Variants in FAXDC2 observed in about 807,000 individuals in gnomAD.
FAXDC2 encodes fatty acid hydroxylase domain containing 2.
Under a neutral mutation model 40.9 loss-of-function variants are expected in FAXDC2, and 41 were observed. The ratio of observed to expected loss-of-function variants is 1.00; its 90% confidence interval spans 0.78 to 1.30. The LOEUF (loss-of-function observed/expected upper bound fraction) is 1.30, where lower values mean the gene tolerates loss of function less well. Ranked by LOEUF, FAXDC2 falls within the 50% of genes most tolerant of loss-of-function variation. The pLI is 0.00. For missense variants in FAXDC2, 390 were observed against 408.8 expected, an observed-to-expected ratio of 0.95 and a Z score of 0.40; for synonymous variants, 157 against 149.3, an observed-to-expected ratio of 1.05 and a Z score of -0.38.
At chr5:154,827,962 G>A (rs530796184) in intron 5 of FAXDC2, among the ~76,000 whole-genome samples, 22 of 151,878 alleles carry the variant, frequency 1.4e-4, no homozygotes, top group African/African-American at 7.2e-5. Flanking sequence ...CAATCCTCCC[G>A]TCTCAGCTTC....
chr5:154,834,103 T>C lies in FAXDC2; in HGVS notation c.244+522A>G, dbSNP rs1236628527. Among the ~76,000 whole-genome samples, 13 of 149,832 alleles carry C rather than the reference T, an allele frequency of 8.7e-5. No individual in the cohort carries two copies. In the East Asian group the frequency reaches 2.3e-3, roughly 27 times the overall value. On this transcript the variant is annotated intron_variant, in intron 4 of 8. Coordinates refer to ENST00000326080, the MANE Select transcript of FAXDC2 (RefSeq NM_032385.5). ...TTAAATAAATTGTATATAATTATTA[T>C]TTGAGTGAATGTATGATCGAGGACA...
intron 1 of FAXDC2, among the ~76,000 whole-genome samples, chr5:154,847,407 A>G (rs568160974): frequency 3.3e-5 from 5 of 152,330 alleles, no homozygotes; most frequent in African/African-American, 1.2e-4. Flanking sequence ...TGAGGCTGGA[A>G]GGAATACAGA....
chr5:154,846,934 GT>G (rs199873815), intron 1 of FAXDC2, among the ~76,000 whole-genome samples: 7 of 143,560 alleles, frequency 4.9e-5, no homozygotes, highest in African/African-American at 7.6e-5. Flanking sequence ...TTTTTTGTTT[GT>G]TTTTTTTTTA....
intron 5 of FAXDC2, among the ~76,000 whole-genome samples, chr5:154,826,381 T>C (rs1035571232): frequency 6.6e-6 from 1 of 151,620 alleles, no homozygotes; most frequent in Non-Finnish European, 1.5e-5. Flanking sequence ...TACAAAAAAT[T>C]AGCTGGGCAT....
In FAXDC2 at chr5:154,821,442, T is replaced by C. The variant is rs1759887460; in HGVS notation, c.679-16A>G. The C allele has an allele frequency of 1.2e-6, 2 of 1,607,228 alleles. No homozygotes were observed. The highest frequency in any genetic ancestry group is 1.7e-6 in the Non-Finnish European group (2 of 1,177,144). On this transcript the variant is annotated splice_polypyrimidine_tract_variant and intron_variant, in intron 7 of 8. Transcript: ENST00000326080. ...TGTTGGAGACCTGCAAGAGGAGGGA[T>C]GATTGAAGGCAGGGTCCAGGGAGAT...
At chr5:154,835,966 C>G (rs1161248181) in intron 2 of FAXDC2, among the ~76,000 whole-genome samples, 2 of 137,714 alleles carry the variant, frequency 1.5e-5, no homozygotes, top group African/African-American at 5.4e-5. Flanking sequence ...TCTTGGCTCA[C>G]TGCAACCTCC....
chr5:154,823,807 ACTTCAGCAGC>A (rs1759949765), intron 5 of FAXDC2: 1 of 547,670 alleles, frequency 1.8e-6, no homozygotes, highest in Admixed American at 3.1e-5. Flanking sequence ...GTCCTTGGAA[ACTTCAGCAGC>A]CTTCAGTCTG....
intron 5 of FAXDC2, chr5:154,824,636 CTATT>C (rs1188754575): frequency 1.3e-5 from 9 of 696,286 alleles, no homozygotes; most frequent in South Asian, 1.2e-4. Context: ...TCACATCTAT[CTATT>C]CATTTATTTA....
rs771174764 is a variant in FAXDC2 at position 154,838,161 on chromosome 5, T to C, written c.18A>G (p.Gly6=). MKGEA[G]HMLHNEKSKQ... ...TTGACTTTTCATTGTGTAGCATATG[T>C]CCAGCTTCTCCTTTCATCTGGAATG... The change falls in exon 2 of 9, where the codon GGA becomes GGG. Residue 6 remains glycine, a synonymous_variant. Coordinates refer to ENST00000326080, the MANE Select transcript of FAXDC2 (RefSeq NM_032385.5). 2 of 1,613,756 alleles carry C rather than the reference T, an allele frequency of 1.2e-6. No homozygotes were observed. Among genetic ancestry groups the C allele is most frequent in the Non-Finnish European group, 8.5e-7 (1 of 1,179,836 alleles).
intron 1 of FAXDC2, among the ~76,000 whole-genome samples, chr5:154,840,229 C>T (rs1309631427): frequency 6.6e-6 from 1 of 152,156 alleles, no homozygotes; most frequent in Non-Finnish European, 1.5e-5. Flanking sequence ...GAAATAACTG[C>T]TCCCCTTTGA....
At chr5:154,822,704 T>C (rs1008649425) in intron 6 of FAXDC2, 127 bp from the exon 7 acceptor site, 1 of 697,058 alleles carries the variant, frequency 1.4e-6, no homozygotes, top group Non-Finnish European at 2.5e-6. Context: ...CACCAAGACC[T>C]GCCTTCAAAT....
chr5:154,820,493 C>T, intron 8 of FAXDC2, 21 bp from the exon 9 acceptor site: 5 of 1,590,292 alleles, frequency 3.1e-6, no homozygotes, highest in Non-Finnish European at 4.3e-6. Context: ...GAGGACGGCA[C>T]TGCAGTGCCC....
At chr5:154,837,117 G>A (rs1427605321) in intron 2 of FAXDC2, among the ~76,000 whole-genome samples, 1 of 151,982 alleles carries the variant, frequency 6.6e-6, no homozygotes, top group Non-Finnish European at 1.5e-5. Flanking sequence ...CCAAGCAGAA[G>A]TCATTTTTCA....
intron 4 of FAXDC2, among the ~76,000 whole-genome samples, chr5:154,834,022 ATATAT>A (rs1760257956): frequency 6.7e-6 from 1 of 149,020 alleles, no homozygotes; most frequent in Non-Finnish European, 1.5e-5. Context: ...TAGTAACATT[ATATAT>A]TATATGTCAT....
chr5:154,842,863 C>T (rs1053241211), intron 1 of FAXDC2, among the ~76,000 whole-genome samples: 106 of 150,726 alleles, frequency 7.0e-4, no homozygotes, highest in African/African-American at 2.6e-3. Flanking sequence ...GATATAGGGT[C>T]TTGCTATATT....
rs1228222675 is a variant in FAXDC2, at chr5:154,820,346, GC to G, written c.971del (p.Ser324ThrfsTer82). On this transcript the variant is annotated frameshift_variant, in exon 9 of 9. Coordinates refer to ENST00000326080, the MANE Select transcript of FAXDC2 (RefSeq NM_032385.5). LOFTEE classifies it high-confidence loss of function. Reference protein sequence around the residue: ...LLLGFTPLSESIPDSPKRME With the variant: ...LLLGFTPLSEXIPDSPKRME ...CCATCCTCTTTGGGGAGTCTGGGATGCTCTCAGAGAGCGGGGTGAAGCCCAG... is the reference window on the plus strand; with the variant it reads ...CCATCCTCTTTGGGGAGTCTGGGATGTCTCAGAGAGCGGGGTGAAGCCCAG... 6.2e-7 allele frequency: 1 copy of G among 1,612,730 alleles called. No homozygotes were observed. The highest frequency in any genetic ancestry group is 8.5e-7 in the Non-Finnish European group (1 of 1,179,442).
At chr5:154,843,015 C>G (rs995730128) in intron 1 of FAXDC2, among the ~76,000 whole-genome samples, 2 of 152,144 alleles carry the variant, frequency 1.3e-5, no homozygotes, top group African/African-American at 2.4e-5. Flanking sequence ...AGAAACACCT[C>G]AACTTGGGAA....
chr5:154,847,134 T>A (rs1284038999), intron 1 of FAXDC2, among the ~76,000 whole-genome samples: 1 of 151,970 alleles, frequency 6.6e-6, no homozygotes. Context: ...GGCGAATTTT[T>A]AAAAAATTTT....
chr5:154,833,220 TAG>T (rs1422311642), intron 4 of FAXDC2, among the ~76,000 whole-genome samples: 2 of 151,742 alleles, frequency 1.3e-5, no homozygotes, highest in Non-Finnish European at 2.9e-5. Flanking sequence ...GTACTTTTAG[TAG>T]AGACAGGTTT....
Sources: gnomAD v4.1 joint callset for allele counts (sites outside exome capture counted in the v4.1 genomes callset) on GRCh38, gnomAD v4.1.1 for gene constraint, MANE v1.5 for transcripts, NCBI Gene and HGNC (gene_info 2026-07-23, HGNC 2026-07-21) for gene names.